The following SYT16 variants were observed in gnomAD, a reference collection of about 807,000 sequenced individuals.
SYT16 encodes the protein synaptotagmin-16.
SYT16 carries 42 observed loss-of-function variants against 61.4 expected under a neutral mutation model. The ratio of observed to expected loss-of-function variants is 0.68; its 90% CI spans 0.53 to 0.89. SYT16 has a LOEUF of 0.89. Among genes scored for constraint, SYT16 ranks in the 40% least tolerant of loss-of-function variants. The pLI is 0.00. For missense variants in SYT16, 804 were observed against 807.3 expected (o/e 1.00, Z 0.05); for synonymous variants, 314 against 302.3 (o/e 1.04, Z -0.40).
chr14:61,848,172 C>T (rs2046499972), intron 1 of SYT16, among the ~76,000 whole-genome samples: 1 of 152,142 alleles, frequency 6.6e-6, no homozygotes, highest in Non-Finnish European at 1.5e-5. Flanking sequence ...TCTTCACTCT[C>T]TGGGCTTTTT....
chr14:61,931,345 A>G lies in SYT16; in HGVS notation c.-324-38787A>G, dbSNP rs1246896715. On this transcript the variant is annotated intron_variant, in intron 1 of 7. Transcript: ENST00000683842. The stretch of plus-strand genomic sequence containing the variant: ...TCTAGGGACAGGATGGAGCCAACAT[A>G]TATTCTTTCTCTTATTTTCTTTTTT... Among the ~76,000 whole-genome samples the G allele has an allele frequency of 2.0e-5, 3 of 152,136 alleles. No individual in the cohort carries two copies. In the East Asian group the frequency reaches 5.8e-4, roughly 29 times the overall value.
intron 7 of SYT16, among the ~76,000 whole-genome samples, chr14:62,091,342 C>G (rs7160655): frequency 0.46 from 70,012 of 151,808 alleles, 16,276 homozygotes; most frequent in Middle Eastern, 0.55. Context: ...TGATGCAATT[C>G]AGAAAGAAAG....
chr14:61,906,747 A>G (rs79791178), intron 1 of SYT16, among the ~76,000 whole-genome samples: 8 of 138,972 alleles, frequency 5.8e-5, no homozygotes, highest in Non-Finnish European at 1.1e-4. Context: ...CCATCCATCC[A>G]TCCTTCCGTC....
At chr14:61,974,128 C>G (rs1045169562) in intron 2 of SYT16, among the ~76,000 whole-genome samples, 2 of 152,176 alleles carry the variant, frequency 1.3e-5, no homozygotes, top group African/African-American at 4.8e-5. Flanking sequence ...GCCGCTGCTA[C>G]AGTTCCTCCA....
At chr14:62,054,810 G>C (rs2055473018) in intron 3 of SYT16, among the ~76,000 whole-genome samples, 1 of 152,130 alleles carries the variant, frequency 6.6e-6, no homozygotes, top group Non-Finnish European at 1.5e-5. Flanking sequence ...TGAGATAAAA[G>C]AATAACTTTA....
At chr14:61,838,346 T>C (rs2046197315) in intron 1 of SYT16, among the ~76,000 whole-genome samples, 1 of 152,192 alleles carries the variant, frequency 6.6e-6, no homozygotes, top group Non-Finnish European at 1.5e-5. Context: ...GTTGGCTCCG[T>C]CATGACCACT....
At chr14:62,049,292 T>C (rs548169634) in intron 3 of SYT16, among the ~76,000 whole-genome samples, 3 of 152,318 alleles carry the variant, frequency 2.0e-5, no homozygotes, top group Admixed American at 2.0e-4. Flanking sequence ...GAGACTAGGA[T>C]TGCAAGCCCT....
chr14:61,970,669 A>G (rs770440529), intron 2 of SYT16, among the ~76,000 whole-genome samples: 9 of 152,222 alleles, frequency 5.9e-5, no homozygotes, highest in African/African-American at 1.7e-4. Context: ...TTGTATGGCA[A>G]TGGTCACTTT....
At chr14:61,949,720 T>A (rs768202958) in intron 1 of SYT16, among the ~76,000 whole-genome samples, 4 of 152,216 alleles carry the variant, frequency 2.6e-5, no homozygotes, top group African/African-American at 4.8e-5. Flanking sequence ...CTTAAAGTCA[T>A]CCTATATCAT....
intron 1 of SYT16, among the ~76,000 whole-genome samples, chr14:61,890,519 T>C (rs2140336283): frequency 6.6e-6 from 1 of 150,922 alleles, no homozygotes. Flanking sequence ...AAAAACACTA[T>C]ACAATTTTTA....
intron 1 of SYT16, among the ~76,000 whole-genome samples, chr14:61,903,216 A>G (rs1158599530): frequency 6.6e-6 from 1 of 152,060 alleles, no homozygotes; most frequent in Non-Finnish European, 1.5e-5. Context: ...CCCTGTTTCC[A>G]AATAAGGCCA....
intron 3 of SYT16, among the ~76,000 whole-genome samples, chr14:62,014,177 A>G (rs529916701): frequency 6.6e-6 from 1 of 152,172 alleles, no homozygotes; most frequent in Non-Finnish European, 1.5e-5. Context: ...ACCTCTTTCG[A>G]ACCGTGGGTT....
intron 1 of SYT16, among the ~76,000 whole-genome samples, chr14:61,938,493 G>A (rs1296678870): frequency 6.6e-6 from 1 of 152,094 alleles, no homozygotes; most frequent in Non-Finnish European, 1.5e-5. Flanking sequence ...AAGGTCCAGA[G>A]GCCTAGAAAT....
chr14:62,097,748 A>G (rs2057314459), intron 7 of SYT16, among the ~76,000 whole-genome samples: 1 of 152,208 alleles, frequency 6.6e-6, no homozygotes, highest in Admixed American at 6.5e-5. Flanking sequence ...GGCCTTTCTC[A>G]TAATTAGAAA....
At chr14:61,814,611 G>A (rs1594668499) in intron 1 of SYT16, among the ~76,000 whole-genome samples, 1 of 152,132 alleles carries the variant, frequency 6.6e-6, no homozygotes, top group East Asian at 1.9e-4. Flanking sequence ...TTTGCCCATT[G>A]ATTTTGTTTA....
intron 1 of SYT16, among the ~76,000 whole-genome samples, chr14:61,953,738 G>A (rs1026857629): frequency 5.9e-5 from 9 of 152,182 alleles, no homozygotes; most frequent in Non-Finnish European, 1.0e-4. Flanking sequence ...GGGACTGAAG[G>A]AGTCTGGGCT....
chr14:62,010,216 A>G (rs1290272721), intron 3 of SYT16, among the ~76,000 whole-genome samples: 2 of 152,216 alleles, frequency 1.3e-5, no homozygotes, highest in African/African-American at 2.4e-5. Flanking sequence ...GCAGACATCT[A>G]TGTCTTACCC....
intron 3 of SYT16, among the ~76,000 whole-genome samples, chr14:62,038,180 G>A (rs568472299): frequency 1.3e-5 from 2 of 151,590 alleles, no homozygotes; most frequent in South Asian, 4.2e-4. Context: ...CATCTCTGAT[G>A]GATTTTGCTG....
intron 1 of SYT16, among the ~76,000 whole-genome samples, chr14:61,836,572 C>T (rs1477583625): frequency 6.6e-6 from 1 of 152,202 alleles, no homozygotes; most frequent in African/African-American, 2.4e-5. Context: ...ACTCCACCTC[C>T]CATTGATTTG....
Sources: allele counts gnomAD v4.1 joint callset (sites outside exome capture counted in the v4.1 genomes callset), GRCh38; gene constraint gnomAD v4.1.1; transcripts MANE v1.5; gene names NCBI Gene and HGNC (gene_info 2026-07-23, HGNC 2026-07-21).